The following PKIA variants were observed in gnomAD, a reference collection of about 807,000 sequenced individuals.
PKIA encodes the protein cAMP-dependent protein kinase inhibitor alpha, also known as PKI-alpha.
A neutral mutation model predicts 7.6 loss-of-function variants in PKIA; 4 were observed. That is an observed-to-expected ratio of 0.52 (90% CI 0.26 to 1.20). PKIA has a LOEUF of 1.20. Ranked by LOEUF, PKIA falls within the 50% of genes most tolerant of loss-of-function variation. The pLI is 0.13. For synonymous variants in PKIA, 21 were observed against 30.7 expected (o/e 0.68, Z 1.04); for missense variants, 73 against 86.2 (o/e 0.85, Z 0.61).
chr8:78,562,235 G>A (rs1807303312), intron 1 of PKIA, among the ~76,000 whole-genome samples: 1 of 152,090 alleles, frequency 6.6e-6, no homozygotes, highest in South Asian at 2.1e-4. Flanking sequence ...TATTAATATA[G>A]TCTAGTTGGG....
chr8:78,553,975 A>G (rs562622571), intron 1 of PKIA, among the ~76,000 whole-genome samples: 1 of 152,092 alleles, frequency 6.6e-6, no homozygotes, highest in Admixed American at 6.6e-5. Flanking sequence ...GATACTTCAT[A>G]GACATAGCAA....
chr8:78,559,263 C>T (rs1807227023), intron 1 of PKIA, among the ~76,000 whole-genome samples: 1 of 152,064 alleles, frequency 6.6e-6, no homozygotes, highest in African/African-American at 2.4e-5. Flanking sequence ...ATATATACTA[C>T]CGACTCTAGG....
At chr8:78,525,889 T>G (rs1483022075) in intron 1 of PKIA, among the ~76,000 whole-genome samples, 2 of 152,022 alleles carry the variant, frequency 1.3e-5, no homozygotes, top group African/African-American at 4.8e-5. Flanking sequence ...ATCATACCTT[T>G]ACCATTTACT....
At chr8:78,573,735 A>G (rs1458014116) in intron 2 of PKIA, among the ~76,000 whole-genome samples, 1 of 152,012 alleles carries the variant, frequency 6.6e-6, no homozygotes, top group African/African-American at 2.4e-5. Context: ...ATGAATGAAG[A>G]GAAAAAGTTT....
rs1454637006 is a variant in PKIA at position 78,602,617 on chromosome 8, T to A, written c.*796T>A. ...TAATGTGAATATCACCTGAATTCAG[T>A]CTGTTTGGTGTCTGCACAGACTGGA... On this transcript the variant is annotated 3_prime_UTR_variant, in exon 4 of 4. Transcript: ENST00000396418. 3 of 151,708 alleles carry A rather than the reference T, an allele frequency of 2.0e-5. No homozygotes were observed. The highest frequency in any genetic ancestry group is 4.4e-5 in the Non-Finnish European group (3 of 67,808). 9.4% of individuals were successfully genotyped at this position (151,708 alleles called of 1,614,324 possible).
intron 1 of PKIA, among the ~76,000 whole-genome samples, chr8:78,524,089 CATTTAT>C (rs1809487766): frequency 8.8e-6 from 1 of 114,280 alleles, no homozygotes; most frequent in Non-Finnish European, 1.7e-5. Flanking sequence ...TATAAATAAA[CATTTAT>C]ATTTATATAT....
At chr8:78,541,053 ATTTATTCTAAT>A (rs921478796) in intron 1 of PKIA, among the ~76,000 whole-genome samples, 23 of 152,174 alleles carry the variant, frequency 1.5e-4, no homozygotes, top group African/African-American at 5.1e-4. Flanking sequence ...TCTTGAAACT[ATTTATTCTAAT>A]TTTATTCTAA....
rs1585937022 is a variant in PKIA, at chr8:78,601,824, C to T, written c.*3C>T. ...AAGCAGCAAAATCTGAAAGCTAACA[C>T]CCCACTTTGACCCTCGACCACACCT... is the stretch of plus-strand genomic sequence containing the variant. On this transcript the variant is annotated 3_prime_UTR_variant, in exon 4 of 4. Coordinates refer to ENST00000396418, the MANE Select transcript of PKIA (RefSeq NM_006823.4). 1 of 1,607,314 alleles carries T rather than the reference C, an allele frequency of 6.2e-7. No homozygotes were observed. The highest frequency in any genetic ancestry group is 8.5e-7 in the Non-Finnish European group (1 of 1,174,510).
intron 2 of PKIA, among the ~76,000 whole-genome samples, chr8:78,590,468 T>TA (rs1057091201): frequency 4.6e-5 from 7 of 151,842 alleles, no homozygotes; most frequent in African/African-American, 7.2e-5. Flanking sequence ...CTTTTCCAGC[T>TA]AAAAAAAATA....
At chr8:78,600,166 T>C (rs114136865) in intron 3 of PKIA, among the ~76,000 whole-genome samples, 17 of 152,034 alleles carry the variant, frequency 1.1e-4, no homozygotes, top group Non-Finnish European at 1.6e-4. Flanking sequence ...AGGAACAGTA[T>C]ACAAAGCAAT....
intron 1 of PKIA, among the ~76,000 whole-genome samples, chr8:78,544,238 A>G (rs16905758): frequency 0.15 from 22,417 of 152,114 alleles, 1,780 homozygotes; most frequent in Middle Eastern, 0.22. Context: ...GTCTTCTAAC[A>G]CTTAACTTTA....
chr8:78,589,820 G>T (rs1327394172), intron 2 of PKIA, among the ~76,000 whole-genome samples: 2 of 152,138 alleles, frequency 1.3e-5, no homozygotes, highest in African/African-American at 4.8e-5. Flanking sequence ...GTGATGAAAT[G>T]GGACATCTCA....
chr8:78,526,583 T>C (rs944106448), intron 1 of PKIA, among the ~76,000 whole-genome samples: 1 of 152,078 alleles, frequency 6.6e-6, no homozygotes, highest in Non-Finnish European at 1.5e-5. Context: ...TTCATATTAT[T>C]AAGTTGTCCA....
At chr8:78,518,295 G>A (rs1054710794) in intron 1 of PKIA, among the ~76,000 whole-genome samples, 2 of 152,122 alleles carry the variant, frequency 1.3e-5, no homozygotes, top group African/African-American at 4.8e-5. Flanking sequence ...GTTATTATGT[G>A]TTAAACAGGG....
intron 2 of PKIA, 92 bp from the exon 3 acceptor site, chr8:78,598,266 C>A: frequency 1.4e-6 from 1 of 702,824 alleles, no homozygotes; most frequent in Non-Finnish European, 2.3e-6. Flanking sequence ...GTAAACAGGA[C>A]AATTGTTTCA....
chr8:78,592,303 C>T (rs1808119508), intron 2 of PKIA, among the ~76,000 whole-genome samples: 1 of 151,964 alleles, frequency 6.6e-6, no homozygotes, highest in Non-Finnish European at 1.5e-5. Context: ...TTAGCTATTG[C>T]TCTTTTATTG....
chr8:78,586,312 G>C (rs376896218), intron 2 of PKIA, among the ~76,000 whole-genome samples: 16 of 152,222 alleles, frequency 1.1e-4, no homozygotes, highest in African/African-American at 3.6e-4. Context: ...TTCATGAGTT[G>C]TAATATTAGT....
chr8:78,538,821 T>C (rs572003683), intron 1 of PKIA, among the ~76,000 whole-genome samples: 5 of 152,192 alleles, frequency 3.3e-5, no homozygotes, highest in East Asian at 1.9e-4. Flanking sequence ...TGGCTTAGTA[T>C]TGAATAGGTC....
chr8:78,525,059 C>A (rs1427322486), intron 1 of PKIA, among the ~76,000 whole-genome samples: 1 of 151,546 alleles, frequency 6.6e-6, no homozygotes, highest in African/African-American at 2.4e-5. Flanking sequence ...TAAAACCATA[C>A]TTTCTTCCCT....
Sources: allele counts gnomAD v4.1 joint callset (sites outside exome capture counted in the v4.1 genomes callset), GRCh38; gene constraint gnomAD v4.1.1; transcripts MANE v1.5; gene names NCBI Gene and HGNC (gene_info 2026-07-23, HGNC 2026-07-21).